The following GTF3C2 variants were observed in gnomAD, a reference collection of about 807,000 sequenced individuals.
GTF3C2 encodes the protein general transcription factor 3C polypeptide 2.
A neutral mutation model predicts 117.4 loss-of-function variants in GTF3C2; 17 were observed. The observed-to-expected ratio is 0.14, with a 90% CI of 0.10 to 0.22. The LOEUF is 0.22. Among genes scored for constraint, GTF3C2 ranks in the 10% least tolerant of loss-of-function variants. The pLI, the probability that GTF3C2 is intolerant of heterozygous loss-of-function variation, is 1.00. For missense variants in GTF3C2, 888 were observed against 1,143.6 expected (o/e 0.78, Z 3.22); for synonymous variants, 437 against 427.0 (o/e 1.02, Z -0.29).
intron 12 of GTF3C2, among the ~76,000 whole-genome samples, chr2:27,330,856 G>T (rs1162937348): frequency 1.3e-5 from 2 of 152,150 alleles, no homozygotes; most frequent in African/African-American, 4.8e-5. Context: ...CTGCTACTCA[G>T]GAGGCTGAGG....
At chr2:27,325,889 T>C (rs1391182372) in exon 19 of GTF3C2, 1 of 176,004 alleles carries the variant, frequency 5.7e-6, no homozygotes, top group Non-Finnish European at 1.2e-5. Context: ...TAGAGAAGAT[T>C]TGGGAAACAC....
intron 10 of GTF3C2, among the ~76,000 whole-genome samples, chr2:27,334,769 A>G (rs1299185297): frequency 6.6e-6 from 1 of 152,006 alleles, no homozygotes; most frequent in Non-Finnish European, 1.5e-5. Context: ...CAGCCTCCCA[A>G]GTAGCTGGGA....
At chr2:27,328,435 C>A in intron 16 of GTF3C2, 33 bp downstream of exon 16, 5 of 1,612,634 alleles carry the variant, frequency 3.1e-6, no homozygotes, top group South Asian at 1.1e-5. Flanking sequence ...GGGTTAGGAT[C>A]CAACAGCTGC....
intron 1 of GTF3C2, among the ~76,000 whole-genome samples, chr2:27,355,349 C>T (rs1681299736): frequency 6.6e-6 from 1 of 151,996 alleles, no homozygotes; most frequent in African/African-American, 2.4e-5. Flanking sequence ...GGTAAAACCC[C>T]GTCTCTACTA....
chr2:27,338,167 T>A, intron 4 of GTF3C2, 147 bp from the exon 5 acceptor site: 1 of 656,100 alleles, frequency 1.5e-6, no homozygotes, highest in Non-Finnish European at 2.7e-6. Flanking sequence ...AGATTTGTGT[T>A]TCAACCACTA....
At chr2:27,338,004 C>T (rs1452349281) in exon 5 of GTF3C2, 4 of 1,609,378 alleles carry the variant, frequency 2.5e-6, no homozygotes, top group Non-Finnish European at 2.6e-6. Flanking sequence ...CATTCCTCGG[C>T]AGTGTGGTTT....
In GTF3C2 at chr2:27,329,548, G is replaced by A. The variant is rs2148248233; in HGVS notation, c.1733-25C>T. ...CCTGAAATAAGGACAGAATGTGTGA[G>A]CATTAAAAGCAAGTTCTCTCTTCCT... On this transcript the variant is annotated intron_variant, in intron 12 of 18. Transcript: ENST00000264720. This position sits in a 1 kb window ranked among gnomAD's most constrained non-coding sequence, Gnocchi z 4.5. 6.2e-7 allele frequency: 1 copy of A among 1,610,998 alleles called. No homozygotes were observed. Among genetic ancestry groups the A allele is most frequent in the Non-Finnish European group, 8.5e-7 (1 of 1,178,146 alleles).
At chr2:27,337,486 A>G (rs962417618) in exon 6 of GTF3C2, 10 of 1,605,688 alleles carry the variant, frequency 6.2e-6, no homozygotes, top group Admixed American at 3.3e-5. Context: ...CTTACAGCTC[A>G]GATAACAAGT....
intron 1 of GTF3C2, among the ~76,000 whole-genome samples, chr2:27,343,990 A>G (rs971435270): frequency 6.6e-6 from 1 of 152,154 alleles, no homozygotes; most frequent in Non-Finnish European, 1.5e-5. Flanking sequence ...ATTTTGGTGA[A>G]GCAGACAATA....
At chr2:27,348,440 CA>C (rs1558623060) in intron 1 of GTF3C2, among the ~76,000 whole-genome samples, 1 of 151,148 alleles carries the variant, frequency 6.6e-6, no homozygotes, top group African/African-American at 2.4e-5. Flanking sequence ...TCTCAAAAAA[CA>C]AAAAACAAAC....
intron 16 of GTF3C2, 29 bp from the exon 17 acceptor site, chr2:27,328,218 T>C (rs998470752): frequency 2.0e-5 from 31 of 1,523,706 alleles, no homozygotes; most frequent in Non-Finnish European, 2.7e-5. Flanking sequence ...AATTAGGTTC[T>C]ATAATACTCA....
chr2:27,327,149 G>A lies in GTF3C2; in HGVS notation c.2517+28C>T, dbSNP rs946045245. On this transcript the variant is annotated intron_variant, in intron 18 of 18. Transcript: ENST00000264720. ...GGCCCAGAACTGGGGGGAAATGAGA[G>A]TGGAGGGTGGAGAGGATGAGAGACT... 6.7e-6 allele frequency: 8 copies of A among 1,197,698 alleles called. No individual in the cohort carries two copies. In the East Asian group the frequency reaches 9.3e-5, roughly 14 times the overall value. The allele number at this position is 1,197,698 out of a possible 1,614,324, so 74.2% of individuals were successfully genotyped here.
At chr2:27,326,583 G>A in exon 19 of GTF3C2, 1 of 919,014 alleles carries the variant, frequency 1.1e-6, no homozygotes, top group South Asian at 1.4e-5. Context: ...CATGATCACT[G>A]TCCAGGGAAG....
exon 19 of GTF3C2, chr2:27,326,121 G>A (rs541605351): frequency 1.1e-5 from 5 of 443,950 alleles, no homozygotes; most frequent in Admixed American, 2.7e-5. Flanking sequence ...CTGTTCTATC[G>A]GTAGGGTGTC....
chr2:27,331,759 C>A (rs1275458065), intron 12 of GTF3C2, among the ~76,000 whole-genome samples: 5 of 151,860 alleles, frequency 3.3e-5, no homozygotes, highest in Non-Finnish European at 7.4e-5. Flanking sequence ...GGCAACATGG[C>A]GAAACCCCGT....
intron 4 of GTF3C2, 175 bp downstream of exon 4, chr2:27,341,773 C>T (rs1680739588): frequency 3.4e-6 from 2 of 595,242 alleles, no homozygotes; most frequent in South Asian, 4.2e-5. Flanking sequence ...TTACCATACC[C>T]CTTCTTCTGC....
At chr2:27,355,289 G>C (rs1207065363) in intron 1 of GTF3C2, among the ~76,000 whole-genome samples, 1 of 152,268 alleles carries the variant, frequency 6.6e-6, no homozygotes, top group South Asian at 2.1e-4. Flanking sequence ...TTAGGAGGCC[G>C]AGGTGGGCGG....
intron 1 of GTF3C2, chr2:27,356,363 G>A (rs1243511103): frequency 3.0e-6 from 1 of 328,362 alleles, no homozygotes; most frequent in Non-Finnish European, 6.2e-6. Context: ...GGGCGTGAAG[G>A]TAGATTTCTC....
chr2:27,330,940 C>T (rs1680253894), intron 12 of GTF3C2, among the ~76,000 whole-genome samples: 1 of 151,994 alleles, frequency 6.6e-6, no homozygotes, highest in Non-Finnish European at 1.5e-5. Flanking sequence ...CCAGCCTGGA[C>T]CCCACAGACC....
Sources: gnomAD v4.1 joint callset for allele counts (sites outside exome capture counted in the v4.1 genomes callset) on GRCh38, gnomAD v4.1.1 for gene constraint, Gnocchi (gnomAD v3.1) non-coding constraint, MANE v1.5 for transcripts, NCBI Gene and HGNC (gene_info 2026-07-23, HGNC 2026-07-21) for gene names.